Variants in IPMK observed in about 807,000 individuals in gnomAD.
IPMK encodes inositol polyphosphate multikinase, also known as inositol 1,3,4,6-tetrakisphosphate 5-kinase.
In IPMK, 17 loss-of-function variants were observed where a neutral mutation model predicts 45.8. The observed-to-expected ratio is 0.37, with a 90% CI of 0.25 to 0.56. The LOEUF (loss-of-function observed/expected upper bound fraction) is 0.56. IPMK is among the 20% of genes least tolerant of loss of function. The probability of loss-of-function intolerance (pLI) is 0.79; values close to 1 mark genes in which losing one functional copy is unlikely to be tolerated. For missense variants in IPMK, 399 were observed against 498.0 expected (o/e 0.80, Z 1.89); for synonymous variants, 180 against 184.3 (o/e 0.98, Z 0.19).
At chr10:58,221,664 TC>T (rs1423152958) in intron 3 of IPMK, among the ~76,000 whole-genome samples, 3 of 152,110 alleles carry the variant, frequency 2.0e-5, no homozygotes, top group African/African-American at 7.2e-5. Context: ...GCTAAAGTGA[TC>T]CTCTCGCTGC....
At chr10:58,219,605 C>T (rs1019106580) in intron 3 of IPMK, among the ~76,000 whole-genome samples, 5 of 152,182 alleles carry the variant, frequency 3.3e-5, no homozygotes, top group Non-Finnish European at 7.4e-5. Context: ...ACAAAGGACA[C>T]CTTTTCGGCT....
intron 1 of IPMK, among the ~76,000 whole-genome samples, chr10:58,259,321 G>C (rs1414596893): frequency 2.0e-5 from 3 of 151,926 alleles, no homozygotes; most frequent in African/African-American, 7.3e-5. Context: ...AAAATGCTTT[G>C]AAAGAAAAAA....
At chr10:58,217,293 A>G (rs774091186) in intron 3 of IPMK, among the ~76,000 whole-genome samples, 4 of 151,652 alleles carry the variant, frequency 2.6e-5, no homozygotes, top group Non-Finnish European at 4.4e-5. Context: ...AGCCCCAGTT[A>G]TCATACATGG....
intron 1 of IPMK, among the ~76,000 whole-genome samples, chr10:58,251,799 C>G (rs1281055834): frequency 6.6e-6 from 1 of 152,204 alleles, no homozygotes; most frequent in Non-Finnish European, 1.5e-5. Flanking sequence ...ACCATAGCTA[C>G]TCCAGCTCTC....
chr10:58,228,788 C>T (rs1192082986), intron 2 of IPMK, among the ~76,000 whole-genome samples: 2 of 152,242 alleles, frequency 1.3e-5, no homozygotes, highest in Admixed American at 6.5e-5. Context: ...CCATCTCAGC[C>T]TAAGATAACC....
At chr10:58,232,487 A>C (rs1203402146) in intron 2 of IPMK, among the ~76,000 whole-genome samples, 1 of 152,200 alleles carries the variant, frequency 6.6e-6, no homozygotes, top group Non-Finnish European at 1.5e-5. Context: ...TGTCTCTCAG[A>C]CCACAGTGCA....
At chr10:58,264,713 T>C (rs1218731383) in intron 1 of IPMK, among the ~76,000 whole-genome samples, 1 of 152,116 alleles carries the variant, frequency 6.6e-6, no homozygotes. Flanking sequence ...AAATCTATGA[T>C]TACAGAAATA....
Position 58,193,771 on chromosome 10 carries a change from G to A in IPMK, c.*2305C>T, listed in dbSNP as rs1008273422. On this transcript the variant is annotated 3_prime_UTR_variant, in exon 6 of 6. Coordinates refer to ENST00000373935, the MANE Select transcript of IPMK (RefSeq NM_152230.5). ...GCATTTACATGTTCAAATATACTTG[G>A]TGAATAGCGATCATTCATCCCCACA... 25 of 151,606 alleles carry A rather than the reference G, an allele frequency of 1.6e-4. No homozygotes were observed. The highest frequency in any genetic ancestry group is 2.4e-4 in the Non-Finnish European group (16 of 67,684). 9.4% of individuals were successfully genotyped at this position (151,606 alleles called of 1,614,324 possible).
At chr10:58,197,680 A>C (rs1424575116) in intron 5 of IPMK, among the ~76,000 whole-genome samples, 2 of 149,812 alleles carry the variant, frequency 1.3e-5, no homozygotes, top group East Asian at 3.9e-4. Context: ...GAAAAAAAAA[A>C]AAAAGAAATA....
At chr10:58,243,735 C>T (rs919346193) in intron 1 of IPMK, among the ~76,000 whole-genome samples, 1 of 152,216 alleles carries the variant, frequency 6.6e-6, no homozygotes, top group African/African-American at 2.4e-5. Flanking sequence ...CACCTCCCAG[C>T]CGCGTGCCTT....
chr10:58,246,381 T>C (rs755733189), intron 1 of IPMK, among the ~76,000 whole-genome samples: 2,900 of 137,024 alleles, frequency 0.021, 63 homozygotes, highest in Middle Eastern at 0.042. Context: ...GCTAGAGGCA[T>C]CACACTACCT....
intron 5 of IPMK, 92 bp from the exon 6 acceptor site, chr10:58,196,790 C>T: frequency 3.4e-6 from 3 of 880,450 alleles, no homozygotes; most frequent in Non-Finnish European, 5.2e-6. Context: ...CAATATTTTC[C>T]CCATCATCCC....
At chr10:58,258,378 C>A (rs1477645053) in intron 1 of IPMK, among the ~76,000 whole-genome samples, 1 of 152,084 alleles carries the variant, frequency 6.6e-6, no homozygotes, top group Non-Finnish European at 1.5e-5. Context: ...AACAAGTTGA[C>A]CAAATTGACA....
chr10:58,201,132 A>G (rs1400743106), intron 4 of IPMK, among the ~76,000 whole-genome samples: 2 of 152,218 alleles, frequency 1.3e-5, no homozygotes, highest in Admixed American at 6.5e-5. Flanking sequence ...TTGCATGTTT[A>G]AAATATCTCT....
chr10:58,197,322 A>AATAAATAAATAAATACATACATAC (rs1212863029), intron 5 of IPMK, among the ~76,000 whole-genome samples: 10 of 110,094 alleles, frequency 9.1e-5, no homozygotes, highest in East Asian at 8.7e-4. Context: ...TAAATAAATA[A>AATAAATAAATAAATACATACATAC]ATAAATACAT....
chr10:58,266,116 C>T (rs896979450), intron 1 of IPMK, among the ~76,000 whole-genome samples: 1 of 152,150 alleles, frequency 6.6e-6, no homozygotes, highest in Non-Finnish European at 1.5e-5. Context: ...GACGTTGTTT[C>T]TTTACCTCGG....
rs11006099 is a variant in IPMK at position 58,267,163 on chromosome 10, G to T, written c.190+259C>A. On this transcript the variant is annotated intron_variant, in intron 1 of 5. Coordinates refer to ENST00000373935, the MANE Select transcript of IPMK (RefSeq NM_152230.5). ...CTCCAATCAACACCCAACCTCCCTG[G>T]GGGGTGGGTGAGACCAGACACGCCT... 1.5e-4 allele frequency among the ~76,000 whole-genome samples: 23 copies of T among 152,308 alleles called. No individual in the cohort carries two copies. In the East Asian group the frequency reaches 4.3e-3, roughly 28 times the overall value.
chr10:58,215,369 T>A (rs1181645297), intron 4 of IPMK, among the ~76,000 whole-genome samples: 1 of 149,462 alleles, frequency 6.7e-6, no homozygotes, highest in Non-Finnish European at 1.5e-5. Context: ...ACCCCAAAAG[T>A]CTGAAACAAT....
intron 1 of IPMK, among the ~76,000 whole-genome samples, chr10:58,256,543 CTCTGCCCT>C (rs1295027180): frequency 6.6e-6 from 1 of 152,200 alleles, no homozygotes; most frequent in Non-Finnish European, 1.5e-5. Flanking sequence ...TGTGATCTTG[CTCTGCCCT>C]TCTGCCCTTG....
Sources: gnomAD v4.1 joint callset for allele counts (sites outside exome capture counted in the v4.1 genomes callset) on GRCh38, gnomAD v4.1.1 for gene constraint, MANE v1.5 for transcripts, NCBI Gene and HGNC (gene_info 2026-07-23, HGNC 2026-07-21) for gene names.